Variants in MESP1 observed in about 807,000 individuals in gnomAD.
MESP1 encodes mesoderm posterior protein 1.
MESP1 carries 22 observed loss-of-function variants against 15.2 expected under a neutral mutation model. The ratio of observed to expected loss-of-function variants is 1.45; its 90% confidence interval spans 1.04 to 2.07. The LOEUF is 2.07. MESP1 is among the 30% of genes most tolerant of loss of function. The probability of loss-of-function intolerance (pLI) is 0.00; values close to 1 mark genes in which losing one functional copy is unlikely to be tolerated. For missense variants in MESP1, 484 were observed against 411.9 expected, an observed-to-expected ratio of 1.17 and a Z score of -1.51; for synonymous variants, 216 against 192.6, an observed-to-expected ratio of 1.12 and a Z score of -1.01.
chr15:89,738,341 C>G, the MESP1 span: 1 of 1,380,834 alleles, frequency 7.2e-7, no homozygotes, highest in South Asian at 1.5e-5. Context: ...TTGAAATTTC[C>G]CCTGGCTGGG....
chr15:89,740,464 G>A, the MESP1 span, among the ~76,000 whole-genome samples: 3 of 152,108 alleles, frequency 2.0e-5, no homozygotes, highest in Non-Finnish European at 4.4e-5. Context: ...TACCAAGAAT[G>A]TTCAACTATT....
chr15:89,737,774 A>C, the MESP1 span: 3 of 1,610,506 alleles, frequency 1.9e-6, no homozygotes, highest in Admixed American at 1.7e-5. Context: ...CATTTCCCTG[A>C]CTTAGTTCTC....
the MESP1 span, chr15:89,738,352 C>T: frequency 3.8e-5 from 49 of 1,282,866 alleles, no homozygotes; most frequent in South Asian, 6.2e-5. Context: ...CCTGGCTGGG[C>T]GTGGTGGCTC....
the MESP1 span, chr15:89,743,352 G>A: frequency 6.2e-7 from 1 of 1,614,164 alleles, no homozygotes; most frequent in Non-Finnish European, 8.5e-7. Flanking sequence ...GGCTTCAGAG[G>A]TACTCCTTGT....
chr15:89,743,727 G>A, the MESP1 span: 8 of 288,790 alleles, frequency 2.8e-5, no homozygotes, highest in African/African-American at 6.5e-5. Context: ...CAGAGTCCTC[G>A]GCCTGGTGAG....
chr15:89,738,496 A>G, the MESP1 span, among the ~76,000 whole-genome samples: 1 of 151,920 alleles, frequency 6.6e-6, no homozygotes, highest in Admixed American at 6.6e-5. Flanking sequence ...GTGTGGTGGT[A>G]CATGCCTGTA....
At chr15:89,738,299 T>C in the MESP1 span, 1 of 1,486,996 alleles carries the variant, frequency 6.7e-7, no homozygotes, top group Non-Finnish European at 9.0e-7. Context: ...TGAGGGATAG[T>C]GGAGTTTCTT....
At chr15:89,740,256 T>C in the MESP1 span, among the ~76,000 whole-genome samples, 2 of 152,190 alleles carry the variant, frequency 1.3e-5, no homozygotes, top group African/African-American at 4.8e-5. Flanking sequence ...ATAGCTCCTC[T>C]CCGCTTCCTA....
intron 1 of MESP1, 55 bp downstream of exon 1, chr15:89,750,454 G>A: frequency 1.4e-6 from 2 of 1,467,324 alleles, no homozygotes; most frequent in South Asian, 2.8e-5. Context: ...TTGGCGGGCG[G>A]TGGGGCTGTG....
At chr15:89,732,904 C>T in the MESP1 span, 6,640 of 1,121,122 alleles carry the variant, frequency 5.9e-3, 24 homozygotes, top group Non-Finnish European at 7.5e-3. Context: ...TTTGCCTTCA[C>T]ATCCTACAAG....
downstream of MESP1, among the ~76,000 whole-genome samples, chr15:89,746,313 TATCCACACAGC>T (rs1021648932): frequency 3.6e-5 from 3 of 83,428 alleles, no homozygotes; most frequent in Admixed American, 1.3e-4. Flanking sequence ...ATCCACACAG[TATCCACACAGC>T]ATCCACACCT....
chr15:89,737,501 G>T, the MESP1 span: 2 of 1,581,676 alleles, frequency 1.3e-6, no homozygotes, highest in South Asian at 1.1e-5. Context: ...TTACTGGGGT[G>T]ACCTCTACAC....
downstream of MESP1, chr15:89,748,931 A>T (rs1203369194): frequency 1.3e-5 from 2 of 152,236 alleles, no homozygotes; most frequent in East Asian, 3.8e-4. Context: ...AAAAACAGAC[A>T]CTGAAGCCTG....
downstream of MESP1, among the ~76,000 whole-genome samples, chr15:89,747,835 C>G (rs899986480): frequency 4.6e-5 from 7 of 152,214 alleles, no homozygotes; most frequent in African/African-American, 1.7e-4. Context: ...GGCTCCACTA[C>G]CACCCGGCAC....
Position 89,750,912 on chromosome 15 carries a change from C to T in MESP1, c.320G>A (p.Arg107His). The change falls in exon 1 of 2, where the codon CGC (arginine) becomes CAC (histidine). Residue 107 changes from arginine (R) to histidine (H), a missense_variant. By Grantham distance (29) the Arg-to-His change is conservative. Transcript: ENST00000300057. ...GGGCGCCACGGACGGCGGTAGAAAG[C>T]GGCGCAGCTCGTGCAGGGCGCGGGC... ...TLARALHELRRFLPPSVAPAG... is the reference protein window; with the variant it reads ...TLARALHELRHFLPPSVAPAG... 6.7e-7 allele frequency: 1 copy of T among 1,484,460 alleles called. No individual in the cohort carries two copies. The highest frequency in any genetic ancestry group is 8.9e-7 in the Non-Finnish European group (1 of 1,122,088). The allele number at this position is 1,484,460 out of a possible 1,614,324, so 92.0% of individuals were successfully genotyped here.
downstream of MESP1, among the ~76,000 whole-genome samples, chr15:89,748,327 C>A (rs1179372213): frequency 6.6e-6 from 1 of 152,184 alleles, no homozygotes; most frequent in Non-Finnish European, 1.5e-5. Flanking sequence ...TCCCACCCCG[C>A]TGCAGGCCTG....
At chr15:89,747,725 G>T (rs1967999035), downstream of MESP1, among the ~76,000 whole-genome samples, 2 of 152,204 alleles carry the variant, frequency 1.3e-5, no homozygotes, top group African/African-American at 4.8e-5. Flanking sequence ...TCCCAACACT[G>T]CCACCCACCA....
the MESP1 span, among the ~76,000 whole-genome samples, chr15:89,733,481 A>G: frequency 1.3e-5 from 2 of 152,198 alleles, no homozygotes; most frequent in East Asian, 3.8e-4. Flanking sequence ...CCATTGTGGC[A>G]GTACTGTGAG....
chr15:89,746,359 C>T (rs1272414443), downstream of MESP1, among the ~76,000 whole-genome samples: 3 of 140,930 alleles, frequency 2.1e-5, 1 homozygote, highest in Non-Finnish European at 1.5e-5. Flanking sequence ...ATCCACACAT[C>T]CACACAGCAT....
Sources: gnomAD v4.1 joint callset for allele counts (sites outside exome capture counted in the v4.1 genomes callset) on GRCh38, gnomAD v4.1.1 for gene constraint, MANE v1.5 for transcripts, NCBI Gene and HGNC (gene_info 2026-07-23, HGNC 2026-07-21) for gene names.